PGAP6: variants seen among roughly 807,000 people sequenced by gnomAD.
PGAP6 encodes post-GPI attachment to proteins 6, also known as post-GPI attachment to proteins factor 6.
In PGAP6, 62 loss-of-function variants were observed where a neutral mutation model predicts 68.4. That is an observed-to-expected ratio of 0.91 (90% CI 0.74 to 1.12). The LOEUF is 1.12. PGAP6 is among the 50% of genes most tolerant of loss of function. The pLI, the probability that PGAP6 is intolerant of heterozygous loss-of-function variation, is 0.00. For synonymous variants in PGAP6, 575 were observed against 474.0 expected (o/e 1.21, Z -2.77); for missense variants, 1,188 against 1,068.5 (o/e 1.11, Z -1.56).
chr16:377,220 C>T lies in PGAP6; in HGVS notation c.508-56G>A, dbSNP rs1402744627. On this transcript the variant is annotated intron_variant, in intron 3 of 12. Transcript: ENST00000431232. ...GTGTCAGAGAATGCAGGTGTGAGGG[C>T]ATGGTCTCACCAGACGCCCCCGGCA... 1.9e-6 allele frequency: 3 copies of T among 1,609,792 alleles called. 1 individual carries two copies. In the South Asian group the frequency reaches 3.3e-5, roughly 18 times the overall value.
chr16:381,688 G>A lies in PGAP6; in HGVS notation c.121+13C>T. 1 of 1,201,466 alleles carries A rather than the reference G, an allele frequency of 8.3e-7. No individual in the cohort carries two copies. The highest frequency in any genetic ancestry group is 1.0e-6 in the Non-Finnish European group (1 of 967,698). The allele number at this position is 1,201,466 out of a possible 1,614,324, so 74.4% of individuals were successfully genotyped here. On this transcript the variant is annotated intron_variant, in intron 1 of 12. Transcript: ENST00000431232. Reference sequence around the variant, plus strand: ...GCCCCACGCCCCCGATGGCGCCCGCGCCTCCCGCTCACCGCTCTTCCCGCT... The same window carrying A: ...GCCCCACGCCCCCGATGGCGCCCGCACCTCCCGCTCACCGCTCTTCCCGCT...
In PGAP6 at chr16:371,644, A is replaced by T. The variant is rs2054334014; in HGVS notation, c.*343T>A. 1 of 296,120 alleles carries T rather than the reference A, an allele frequency of 3.4e-6. No individual in the cohort carries two copies. The highest frequency in any genetic ancestry group is 3.4e-5 in the South Asian group (1 of 29,388). 18.3% of individuals were successfully genotyped at this position (296,120 alleles called of 1,614,324 possible). ...CTCGCCAGGGAACAGGACCATAGGG[A>T]GTCCTTCTCCCCATCTCTAGCCACC... is the stretch of plus-strand genomic sequence containing the variant. On this transcript the variant is annotated 3_prime_UTR_variant, in exon 13 of 13. Transcript: ENST00000431232.
upstream of PGAP6, chr16:382,091 A>AT: frequency 3.5e-6 from 1 of 285,298 alleles, no homozygotes; most frequent in East Asian, 6.1e-5. Context: ...GGGCGCCGGT[A>AT]GGGGGGAGGG....
intron 11 of PGAP6, 84 bp downstream of exon 11, chr16:373,921 C>T: frequency 6.9e-7 from 1 of 1,459,112 alleles, no homozygotes; most frequent in South Asian, 1.3e-5. Flanking sequence ...CAGGTCCGGC[C>T]TCTCCCACGG....
At chr16:384,326 G>T (rs112865841), upstream of PGAP6, 24,105 of 152,208 alleles carry the variant, frequency 0.16, 2,171 homozygotes, top group Admixed American at 0.2. Context: ...CTTGAAGGTG[G>T]GTAAGAATCC....
At chr16:372,579 G>A (rs1363221410) in intron 12 of PGAP6, 32 bp downstream of exon 12, 2 of 1,530,298 alleles carry the variant, frequency 1.3e-6, no homozygotes, top group African/African-American at 1.4e-5. Flanking sequence ...CCGAGCACCT[G>A]GGCAGCAGTG....
chr16:385,333 G>A (rs1200148973), upstream of PGAP6, among the ~76,000 whole-genome samples: 1 of 30,772 alleles, frequency 3.2e-5, no homozygotes, highest in African/African-American at 1.8e-4. Flanking sequence ...TTTTTTTTTT[G>A]AGACGGAGCC....
chr16:374,098 G>C lies in PGAP6; in HGVS notation c.1809C>G (p.Tyr603Ter). 1 of 1,611,858 alleles carries C rather than the reference G, an allele frequency of 6.2e-7. No homozygotes were observed. The highest frequency in any genetic ancestry group is 8.5e-7 in the Non-Finnish European group (1 of 1,179,966). Residue 603 changes from tyrosine (Y) to a stop codon, truncating the protein, a stop_gained, in exon 11 of 13, where the codon TAC becomes TAG. Transcript: ENST00000431232. LOFTEE classifies it high-confidence loss of function. ...AGAAGTCGCAGTACTGCAGCGTGTC[G>C]TAGCTGAGGATGCACAGCACCGCCT... is the stretch of plus-strand genomic sequence containing the variant. The part of the protein sequence containing the change: ...PGEAVLCILS[Y>*]DTLQYCDFLG...
At chr16:379,321 C>T (rs973638294) in intron 1 of PGAP6, among the ~76,000 whole-genome samples, 3 of 152,302 alleles carry the variant, frequency 2.0e-5, no homozygotes, top group East Asian at 1.9e-4. Flanking sequence ...CCAGAAGAAA[C>T]GATACACCTG....
At chr16:380,882 C>T (rs887788581) in intron 1 of PGAP6, among the ~76,000 whole-genome samples, 1 of 152,136 alleles carries the variant, frequency 6.6e-6, no homozygotes, top group Non-Finnish European at 1.5e-5. Context: ...TGGCTGGGGA[C>T]GTGTGGGAAC....
chr16:375,243 G>A lies in PGAP6; in HGVS notation c.1329C>T (p.Gly443=), dbSNP rs138004313. Residue 443 remains glycine (G), a synonymous_variant, in exon 8 of 13, where the codon GGC becomes GGT. Transcript: ENST00000431232. ...SLNCTTAFFQ[G]YPLSLSAWSR... Reference sequence around the variant, plus strand: ...ACCAGGCGCTCAGAGACAAAGGGTAGCCCTGGAAGAAGGCTGCAGGGGAGC... The same window carrying A: ...ACCAGGCGCTCAGAGACAAAGGGTAACCCTGGAAGAAGGCTGCAGGGGAGC... 1.7e-4 allele frequency: 279 copies of A among 1,613,182 alleles called. 1 individual carries two copies. In the African/African-American group the frequency reaches 3.0e-3, roughly 17 times the overall value.
At chr16:380,485 G>C (rs1405338406) in intron 1 of PGAP6, among the ~76,000 whole-genome samples, 1 of 151,926 alleles carries the variant, frequency 6.6e-6, no homozygotes, top group African/African-American at 2.4e-5. Flanking sequence ...TCCTGCCTCA[G>C]CCTCCCGAGT....
At chr16:382,891 A>G (rs2054456019), upstream of PGAP6, among the ~76,000 whole-genome samples, 1 of 151,530 alleles carries the variant, frequency 6.6e-6, no homozygotes, top group Non-Finnish European at 1.5e-5. Flanking sequence ...AGTAATAAAC[A>G]GCTCTAAATC....
upstream of PGAP6, chr16:386,917 T>C: frequency 1.7e-6 from 1 of 600,900 alleles, no homozygotes; most frequent in East Asian, 3.8e-5. Context: ...CCCAAGACAC[T>C]GCGACGCCGG....
chr16:385,772 CT>C (rs2054480516), upstream of PGAP6, among the ~76,000 whole-genome samples: 1 of 151,462 alleles, frequency 6.6e-6, no homozygotes, highest in Non-Finnish European at 1.5e-5. Flanking sequence ...CTACAGGCGC[CT>C]GCCAACACAC....
In PGAP6 at chr16:378,852, G is replaced by T. The variant is rs12445642; in HGVS notation, c.122-1004C>A. ...GACAGCTGCCCTCTGCGTTCCAAGC[G>T]GGCAAGGCTCCTAACTGTCCTCAGG... is the stretch of plus-strand genomic sequence containing the variant. On this transcript the variant is annotated intron_variant, in intron 1 of 12. Coordinates refer to ENST00000431232, the MANE Select transcript of PGAP6 (RefSeq NM_021259.3). Among the ~76,000 whole-genome samples the T allele has an allele frequency of 5.9e-5, 9 of 152,298 alleles. No homozygotes were observed. In the East Asian group the frequency reaches 1.5e-3, roughly 26 times the overall value.
rs2054441270 is a variant in PGAP6, at chr16:381,775, A to G, written c.47T>C (p.Val16Ala). Reference protein sequence around the residue: ...TGTGGEAVAAVVAGPLLLLLL... With the variant: ...TGTGGEAVAAAVAGPLLLLLL... ...CAGCAGCAGCAGCGGCCCCGCCACC[A>G]CCGCGGCCACCGCCTCGCCCCCGGT... Residue 16 changes from valine to alanine, a missense_variant, in exon 1 of 13, where the codon GTG becomes GCG. By Grantham distance (64) the Val-to-Ala change is moderately conservative (BLOSUM62 0). Transcript: ENST00000431232. 2.5e-6 allele frequency: 3 copies of G among 1,182,132 alleles called. No individual in the cohort carries two copies. The highest frequency in any genetic ancestry group is 3.1e-6 in the Non-Finnish European group (3 of 955,772). The allele number at this position is 1,182,132 out of a possible 1,614,324, so 73.2% of individuals were successfully genotyped here.
chr16:381,006 C>G (rs2054432545), intron 1 of PGAP6, among the ~76,000 whole-genome samples: 1 of 152,244 alleles, frequency 6.6e-6, no homozygotes, highest in Non-Finnish European at 1.5e-5. Context: ...ACCCACGTCC[C>G]TACCCCGTGG....
At position 376,659 on chromosome 16, in the gene PGAP6, C is replaced by G; in HGVS notation, c.789G>C (p.Trp263Cys). 6.2e-7 allele frequency: 1 copy of G among 1,609,436 alleles called. No homozygotes were observed. Among genetic ancestry groups the G allele is most frequent in the Non-Finnish European group, 8.5e-7 (1 of 1,178,608 alleles). Residue 263 changes from tryptophan (W) to cysteine (C), a missense_variant, in exon 5 of 13, where the codon TGG becomes TGC. By Grantham distance (215) the Trp-to-Cys change is radical. Transcript: ENST00000431232. ...GTGAGGGCAGCAGCAGGCGGCAGGG[C>G]CAGGGGGCACCGGTGCAGGTGAGCA... The part of the protein sequence containing the change: ...QKVLTCTGAP[W>C]PCRLLLPSPP...
Sources: allele counts gnomAD v4.1 joint callset (sites outside exome capture counted in the v4.1 genomes callset), GRCh38; gene constraint gnomAD v4.1.1; transcripts MANE v1.5; gene names NCBI Gene and HGNC (gene_info 2026-07-23, HGNC 2026-07-21).